The following TNNT2 variants were observed in gnomAD, a reference collection of about 807,000 sequenced individuals.
TNNT2 encodes troponin T, cardiac muscle.
TNNT2 carries 34 observed loss-of-function variants against 62.4 expected under a neutral mutation model. The ratio of observed to expected loss-of-function variants is 0.54; its 90% CI spans 0.41 to 0.72. The LOEUF (loss-of-function observed/expected upper bound fraction) is 0.72. Ranked by LOEUF, TNNT2 falls within the 30% of genes least tolerant of loss-of-function variation. The pLI is 0.00. For synonymous variants in TNNT2, 123 were observed against 127.2 expected (o/e 0.97, Z 0.22); for missense variants, 275 against 381.9 (o/e 0.72, Z 2.33).
intron 15 of TNNT2, chr1:201,360,726 G>A (rs1658456539): frequency 6.4e-6 from 1 of 156,738 alleles, no homozygotes; most frequent in Admixed American, 6.1e-5. Flanking sequence ...CGGGGGTGGT[G>A]GGTAAGGAAG....
intron 1 of TNNT2, 98 bp from the exon 2 acceptor site, chr1:201,373,366 G>C: frequency 9.4e-7 from 1 of 1,061,508 alleles, no homozygotes; most frequent in Non-Finnish European, 1.5e-6. Flanking sequence ...CGAGGCCTAG[G>C]GTGAATCTAG....
intron 13 of TNNT2, 114 bp downstream of exon 13, chr1:201,362,272 C>G (rs929075474): frequency 1.5e-5 from 23 of 1,527,950 alleles, no homozygotes; most frequent in African/African-American, 8.3e-5. Context: ...CAGCTTCCCC[C>G]CTCCCCAGCC....
intron 1 of TNNT2, chr1:201,373,795 A>C: frequency 5.3e-6 from 1 of 189,766 alleles, no homozygotes; most frequent in African/African-American, 2.3e-5. Context: ...GCTGTTTCGA[A>C]CTCCCAGGCT....
At chr1:201,369,034 T>C (rs1295202346) in intron 5 of TNNT2, among the ~76,000 whole-genome samples, 1 of 152,162 alleles carries the variant, frequency 6.6e-6, no homozygotes, top group African/African-American at 2.4e-5. Context: ...CTAGAAAGTG[T>C]GAAAGCAGAG....
chr1:201,373,444 T>C (rs1660955129), intron 1 of TNNT2, 176 bp from the exon 2 acceptor site: 1 of 662,086 alleles, frequency 1.5e-6, no homozygotes, highest in Non-Finnish European at 2.7e-6. Flanking sequence ...GGGGAGATAG[T>C]GACACCCACA....
intron 11 of TNNT2, 159 bp from the exon 12 acceptor site, chr1:201,363,565 G>A: frequency 3.0e-6 from 2 of 663,500 alleles, no homozygotes; most frequent in Non-Finnish European, 5.4e-6. Flanking sequence ...CTGGCCCACA[G>A]GAGTCCACTG....
At chr1:201,361,546 C>A (rs944806746) in intron 14 of TNNT2, among the ~76,000 whole-genome samples, 177 bp from the exon 15 acceptor site, 1 of 152,168 alleles carries the variant, frequency 6.6e-6, no homozygotes, top group African/African-American at 2.4e-5. Context: ...ACGGCAGCAC[C>A]CAGTGCTCAG....
At chr1:201,361,870 C>T (rs1339782582) in intron 14 of TNNT2, 43 bp downstream of exon 14, 4 of 1,568,804 alleles carry the variant, frequency 2.5e-6, no homozygotes, top group African/African-American at 1.3e-5. Context: ...CCTCCCAGAG[C>T]AGATGCGGGC....
rs766756410 is a variant in TNNT2 at position 201,359,681 on chromosome 1, A to G, written c.811-18T>C. On this transcript the variant is annotated intron_variant, in intron 15 of 16. Transcript: ENST00000656932. ...ACATTGATCTGCAAGAAAAGTGGGA[A>G]GGACAAAGAGCAACGCTGGAGCTGA... 6.3e-7 allele frequency: 1 copy of G among 1,581,170 alleles called. No homozygotes were observed. The highest frequency in any genetic ancestry group is 1.8e-5 in the Admixed American group (1 of 56,364).
chr1:201,373,355 G>A, intron 1 of TNNT2, 87 bp from the exon 2 acceptor site: 1 of 1,194,550 alleles, frequency 8.4e-7, no homozygotes, highest in Non-Finnish European at 1.2e-6. Flanking sequence ...ACAGAGATCA[G>A]CGAGGCCTAG....
At chr1:201,364,648 G>GC (rs2102256642) in intron 10 of TNNT2, among the ~76,000 whole-genome samples, 1 of 152,330 alleles carries the variant, frequency 6.6e-6, no homozygotes, top group East Asian at 1.9e-4. Flanking sequence ...TCTGGGCTCT[G>GC]CCCCCACCTC....
intron 8 of TNNT2, chr1:201,366,579 C>A: frequency 7.2e-7 from 1 of 1,387,352 alleles, no homozygotes. Flanking sequence ...CCGTTCAGGG[C>A]CCTTCCTCTA....
chr1:201,372,946 C>T, intron 2 of TNNT2: 1 of 628,046 alleles, frequency 1.6e-6, no homozygotes, highest in Non-Finnish European at 3.0e-6. Flanking sequence ...CTGTTCATGG[C>T]CCCTAGCCAA....
intron 14 of TNNT2, among the ~76,000 whole-genome samples, chr1:201,361,647 T>A (rs540760976): frequency 6.6e-6 from 1 of 152,290 alleles, no homozygotes; most frequent in East Asian, 1.9e-4. Context: ...TCTAGTTCAA[T>A]CCCCTGTCCT....
At chr1:201,369,047 C>T (rs1175765094) in intron 5 of TNNT2, among the ~76,000 whole-genome samples, 12 of 152,166 alleles carry the variant, frequency 7.9e-5, no homozygotes, top group Non-Finnish European at 1.8e-4. Flanking sequence ...AAGCAGAGGG[C>T]TAGCGAGGAA....
At chr1:201,374,483 T>C (rs565243494) in intron 1 of TNNT2, 1 of 152,194 alleles carries the variant, frequency 6.6e-6, no homozygotes, top group Non-Finnish European at 1.5e-5. Context: ...CAGTTGACAT[T>C]AACAAAAGGG....
At chr1:201,370,866 A>G (rs971050122) in intron 4 of TNNT2, among the ~76,000 whole-genome samples, 2 of 152,246 alleles carry the variant, frequency 1.3e-5, no homozygotes, top group Non-Finnish European at 2.9e-5. Context: ...TCATATCAAG[A>G]GTCTGTTCAG....
chr1:201,366,116 G>A, intron 8 of TNNT2: 3 of 1,085,550 alleles, frequency 2.8e-6, no homozygotes, highest in Non-Finnish European at 2.2e-6. Flanking sequence ...CTGAGACCCA[G>A]GGGGTTCTCT....
intron 12 of TNNT2, 67 bp from the exon 13 acceptor site, chr1:201,362,461 A>AGAAGGCAGGAAGAC: frequency 1.9e-6 from 3 of 1,579,412 alleles, no homozygotes; most frequent in Non-Finnish European, 2.6e-6. Context: ...AGACACAGAG[A>AGAAGGCAGGAAGAC]GAAGGCAGGA....
Sources: gnomAD v4.1 joint callset for allele counts (sites outside exome capture counted in the v4.1 genomes callset) on GRCh38, gnomAD v4.1.1 for gene constraint, MANE v1.5 for transcripts, NCBI Gene and HGNC (gene_info 2026-07-23, HGNC 2026-07-21) for gene names.